Variants in ESS2 observed in about 807,000 individuals in gnomAD.
The protein encoded by ESS2 is splicing factor ESS-2 homolog.
Under a neutral mutation model 52.0 loss-of-function variants are expected in ESS2, and 31 were observed. The ratio of observed to expected loss-of-function variants is 0.60; its 90% CI spans 0.45 to 0.81. The LOEUF is 0.81. ESS2 is among the 30% of genes least tolerant of loss of function. ESS2 has a pLI of 0.00. For missense variants in ESS2, 602 were observed against 637.2 expected, an observed-to-expected ratio of 0.94 and a Z score of 0.59; for synonymous variants, 285 against 259.2, an observed-to-expected ratio of 1.10 and a Z score of -0.95.
chr22:19,131,201 T>G lies in ESS2; in HGVS notation c.*2995A>C. 1 of 580,188 alleles carries G rather than the reference T, an allele frequency of 1.7e-6. No individual in the cohort carries two copies. The highest frequency in any genetic ancestry group is 1.9e-5 in the African/African-American group (1 of 53,614). The allele number at this position is 580,188 out of a possible 1,614,324, so 35.9% of individuals were successfully genotyped here. A position where few individuals can be genotyped will look rare whatever the true frequency, so the allele number is the denominator to read the frequency against. ...GAGACCCTGTTCTCCCTCAGCCCAG[T>G]CCCCGCCCCCACTCCTTGGCTTTAT... On this transcript the variant is annotated 3_prime_UTR_variant, in exon 10 of 10. Transcript: ENST00000252137. This position sits in a 1 kb window ranked among gnomAD's most constrained non-coding sequence, Gnocchi z 5.7.
chr22:19,139,920 C>T lies in ESS2; in HGVS notation c.505G>A (p.Val169Met). Residue 169 changes from valine to methionine, a missense_variant, in exon 4 of 10, where the codon GTG becomes ATG. Physicochemically the swap from Val to Met is conservative, Grantham distance 21. Coordinates refer to ENST00000252137, the MANE Select transcript of ESS2 (RefSeq NM_022719.3). Reference protein sequence around the residue: ...DNASFQEIMEVAKERSRARHA... With the variant: ...DNASFQEIMEMAKERSRARHA... Reference sequence around the variant, plus strand: ...CGTGCCCGGCTTCTCTCCTTGGCCACCTCCATGATCTCCTGGAAGGAGGCA... The same window carrying T: ...CGTGCCCGGCTTCTCTCCTTGGCCATCTCCATGATCTCCTGGAAGGAGGCA... 1 of 1,614,198 alleles carries T rather than the reference C, an allele frequency of 6.2e-7. No individual in the cohort carries two copies. The highest frequency in any genetic ancestry group is 8.5e-7 in the Non-Finnish European group (1 of 1,180,030).
intron 8 of ESS2, among the ~76,000 whole-genome samples, chr22:19,135,674 T>C (rs1388735936): frequency 2.0e-5 from 3 of 152,236 alleles, no homozygotes; most frequent in Non-Finnish European, 4.4e-5. Flanking sequence ...GCTGTATTTG[T>C]TATTTTCATT....
At chr22:19,134,548 G>T in intron 9 of ESS2, 73 bp from the exon 10 acceptor site, 1 of 1,433,788 alleles carries the variant, frequency 7.0e-7, no homozygotes. Flanking sequence ...GCCTCCCTTG[G>T]CTCCCAGGAA....
At chr22:19,140,055 G>A (rs2083659025) in intron 3 of ESS2, 31 bp from the exon 4 acceptor site, 2 of 1,609,552 alleles carry the variant, frequency 1.2e-6, no homozygotes, top group African/African-American at 2.7e-5. Context: ...GAGGAACACA[G>A]CACCCTTTGC....
In ESS2 at chr22:19,144,535, G is replaced by C. The variant is rs763021146; in HGVS notation, c.106C>G (p.Arg36Gly). ...GEAGAATSKQ[R>G]VLDEEEYIEG... ...ATATACTCTTCCTCGTCCAGGACCC[G>C]CTGCTTGCTCGTCGCAGCCCCAGCC... is the stretch of plus-strand genomic sequence containing the variant. Residue 36 changes from arginine to glycine, a missense_variant, in exon 1 of 10, where the codon CGG becomes GGG. By Grantham distance (125) the Arg-to-Gly change is moderately radical (BLOSUM62 -2). Transcript: ENST00000252137. The C allele has an allele frequency of 1.2e-6, 2 of 1,608,998 alleles. No homozygotes were observed. Among genetic ancestry groups the C allele is most frequent in the South Asian group, 1.1e-5 (1 of 90,960 alleles).
At position 19,130,538 on chromosome 22, in the gene ESS2, A is replaced by C. The variant is rs2083497042; in HGVS notation, c.*3658T>G. On this transcript the variant is annotated 3_prime_UTR_variant, in exon 10 of 10. Coordinates refer to ENST00000252137, the MANE Select transcript of ESS2 (RefSeq NM_022719.3). ...CAAGGCCTGTCTACTGTGGTACCGG[A>C]GTGATTATTTCGATTGTATCTCCTT... 1 of 428,192 alleles carries C rather than the reference A, an allele frequency of 2.3e-6. No individual in the cohort carries two copies. The highest frequency in any genetic ancestry group is 2.1e-5 in the African/African-American group (1 of 48,590). The allele number at this position is 428,192 out of a possible 1,614,324, so 26.5% of individuals were successfully genotyped here. A position where few individuals can be genotyped will look rare whatever the true frequency, so the allele number is the denominator to read the frequency against.
chr22:19,132,514 G>C lies in ESS2; in HGVS notation c.*1682C>G, dbSNP rs754653100. On this transcript the variant is annotated 3_prime_UTR_variant, in exon 10 of 10. Coordinates refer to ENST00000252137, the MANE Select transcript of ESS2 (RefSeq NM_022719.3). The surrounding 1 kb of genome is among the most constrained non-coding windows in gnomAD (Gnocchi z 4.2). ...CCCGTTGTGTGTGGTGGGGGTCGGG[G>C]TTGGGGGGCATGGTGCAGTCGGCCT... 6 of 1,559,760 alleles carry C rather than the reference G, an allele frequency of 3.8e-6. No homozygotes were observed. Among genetic ancestry groups the C allele is most frequent in the Non-Finnish European group, 5.2e-6 (6 of 1,148,688 alleles).
rs1242934528 is a variant in ESS2 at position 19,144,517 on chromosome 22, C to G, written c.124G>C (p.Glu42Gln). ...TSKQRVLDEE[E>Q]YIEGLQTVIQ... ...CACCGAGGTCGTACCTCGATATACTCTTCCTCGTCCAGGACCCGCTGCTTG... is the reference window on the plus strand; with the variant it reads ...CACCGAGGTCGTACCTCGATATACTGTTCCTCGTCCAGGACCCGCTGCTTG... The change falls in exon 1 of 10, where the codon GAG becomes CAG. Residue 42 changes from glutamate to glutamine, a missense_variant. By Grantham distance (29) the Glu-to-Gln change is conservative (BLOSUM62 2). Coordinates refer to ENST00000252137, the MANE Select transcript of ESS2 (RefSeq NM_022719.3). The G allele has an allele frequency of 6.2e-7, 1 of 1,610,996 alleles. No individual in the cohort carries two copies. Among genetic ancestry groups the G allele is most frequent in the Non-Finnish European group, 8.5e-7 (1 of 1,178,948 alleles).
Position 19,130,645 on chromosome 22 carries a change from AT to A in ESS2, c.*3550del. 6.2e-6 allele frequency: 2 copies of A among 321,142 alleles called. No individual in the cohort carries two copies. Among genetic ancestry groups the A allele is most frequent in the Non-Finnish European group, 1.2e-5 (2 of 167,164 alleles). 19.9% of individuals were successfully genotyped at this position (321,142 alleles called of 1,614,324 possible). A position where few individuals can be genotyped will look rare whatever the true frequency, so the allele number is the denominator to read the frequency against. On this transcript the variant is annotated 3_prime_UTR_variant, in exon 10 of 10. Coordinates refer to ENST00000252137, the MANE Select transcript of ESS2 (RefSeq NM_022719.3). ...GCCTGTTCCCTTAACTTGTCTTCAG[AT>A]TTTGTCGACCCGAGATGGGTCCTGG...
rs756442861 is a variant in ESS2, at chr22:19,131,955, G to A, written c.*2241C>T. On this transcript the variant is annotated 3_prime_UTR_variant, in exon 10 of 10. Coordinates refer to ENST00000252137, the MANE Select transcript of ESS2 (RefSeq NM_022719.3). The surrounding 1 kb of genome is among the most constrained non-coding windows in gnomAD (Gnocchi z 5.7). ...GTCGGCAGCATATGCAGCCCCCGAG[G>A]TGCTGCAGAGCATCCCCTACCAGCC... 6 of 1,614,176 alleles carry A rather than the reference G, an allele frequency of 3.7e-6. No individual in the cohort carries two copies. Among genetic ancestry groups the A allele is most frequent in the Non-Finnish European group, 8.5e-7 (1 of 1,180,024 alleles).
Position 19,131,443 on chromosome 22 carries a change from G to A in ESS2, c.*2753C>T, listed in dbSNP as rs749456251. 2 of 1,613,702 alleles carry A rather than the reference G, an allele frequency of 1.2e-6. No individual in the cohort carries two copies. Among genetic ancestry groups the A allele is most frequent in the African/African-American group, 2.7e-5 (2 of 74,910 alleles). ...CTAAGGAAGAAGGGTTACATCGTAG[G>A]CATCAATCTTGGCAAGGGTTCCTAC... is the stretch of plus-strand genomic sequence containing the variant. On this transcript the variant is annotated 3_prime_UTR_variant, in exon 10 of 10. Coordinates refer to ENST00000252137, the MANE Select transcript of ESS2 (RefSeq NM_022719.3). The surrounding 1 kb of genome is among the most constrained non-coding windows in gnomAD (Gnocchi z 5.7).
intron 3 of ESS2, among the ~76,000 whole-genome samples, chr22:19,141,679 A>G (rs2083688533): frequency 6.6e-6 from 1 of 152,212 alleles, no homozygotes; most frequent in South Asian, 2.1e-4. Context: ...GACCATAAAC[A>G]GAAATGCCTT....
intron 9 of ESS2, 140 bp from the exon 10 acceptor site, chr22:19,134,615 G>T: frequency 1.1e-6 from 1 of 918,876 alleles, no homozygotes; most frequent in Non-Finnish European, 1.5e-6. Context: ...TGCCAGCATG[G>T]CAGCAAATGC....
rs2083530830 is a variant in ESS2 at position 19,133,587 on chromosome 22, G to T, written c.*609C>A. 6.6e-6 allele frequency: 1 copy of T among 152,368 alleles called. No homozygotes were observed. Among genetic ancestry groups the T allele is most frequent in the Non-Finnish European group, 1.5e-5 (1 of 68,188 alleles). The allele number at this position is 152,368 out of a possible 1,614,324, so 9.4% of individuals were successfully genotyped here. The stretch of plus-strand genomic sequence containing the variant: ...TCACCTGATATGCAGCCCCCACACA[G>T]TCCTATAACCAGCGCACCTCACAGC... On this transcript the variant is annotated 3_prime_UTR_variant, in exon 10 of 10. Transcript: ENST00000252137.
At chr22:19,138,150 G>A (rs1038753535) in intron 7 of ESS2, 65 bp downstream of exon 7, 1 of 1,605,712 alleles carries the variant, frequency 6.2e-7, no homozygotes, top group Non-Finnish European at 8.5e-7. Context: ...AGGGCCGACT[G>A]AGAAGCCCAC....
At chr22:19,144,479 T>C in intron 1 of ESS2, 27 bp downstream of exon 1, 2 of 1,611,032 alleles carry the variant, frequency 1.2e-6, no homozygotes, top group Non-Finnish European at 1.7e-6. Flanking sequence ...GGCCCAGAAG[T>C]CGCCGGCGTC....
In ESS2 at chr22:19,132,067, A is replaced by G. The variant is rs201305418; in HGVS notation, c.*2129T>C. 6.2e-7 allele frequency: 1 copy of G among 1,614,020 alleles called. No homozygotes were observed. The highest frequency in any genetic ancestry group is 2.2e-5 in the East Asian group (1 of 44,876). On this transcript the variant is annotated 3_prime_UTR_variant, in exon 10 of 10. Transcript: ENST00000252137. The surrounding 1 kb of genome is among the most constrained non-coding windows in gnomAD (Gnocchi z 4.2). ...CCCTATGACGACTCCGACATCAGGA[A>G]GATGCTGCGTATCCAGAAGGAGCAC... is the stretch of plus-strand genomic sequence containing the variant.
intron 1 of ESS2, among the ~76,000 whole-genome samples, chr22:19,143,214 A>G (rs957447826): frequency 3.3e-5 from 5 of 151,008 alleles, no homozygotes; most frequent in Non-Finnish European, 5.9e-5. Flanking sequence ...AAAAAAAAAA[A>G]AAAAAAGAAA....
At chr22:19,139,031 C>A in intron 6 of ESS2, 128 bp downstream of exon 6, 1 of 1,291,044 alleles carries the variant, frequency 7.7e-7, no homozygotes, top group South Asian at 1.5e-5. Context: ...AGGATCCTGC[C>A]GCACAGGGCC....
Sources: allele counts gnomAD v4.1 joint callset (sites outside exome capture counted in the v4.1 genomes callset), GRCh38; gene constraint gnomAD v4.1.1; non-coding constraint Gnocchi (gnomAD v3.1); transcripts MANE v1.5; gene names NCBI Gene and HGNC (gene_info 2026-07-23, HGNC 2026-07-21).